Variants in TRIO observed in about 807,000 individuals in gnomAD.
TRIO encodes trio Rho guanine nucleotide exchange factor.
In TRIO, 58 loss-of-function variants were observed where a neutral mutation model predicts 351.9. That is an observed-to-expected ratio of 0.16 (90% confidence interval 0.13 to 0.21). The LOEUF is 0.21. Ranked by LOEUF, TRIO falls within the 10% of genes least tolerant of loss-of-function variation. The probability of loss-of-function intolerance (pLI) is 1.00; values close to 1 mark genes in which losing one functional copy is unlikely to be tolerated. For synonymous variants in TRIO, 1,758 were observed against 1,595.7 expected (o/e 1.10, Z -2.42); for missense variants, 3,201 against 4,027.8 (o/e 0.79, Z 5.56).
intron 56 of TRIO, among the ~76,000 whole-genome samples, 154 bp downstream of exon 56, chr5:14,507,414 T>TCG (rs1036408425): frequency 3.3e-5 from 5 of 151,222 alleles, no homozygotes; most frequent in African/African-American, 1.2e-4. Flanking sequence ...TGCTAATCTC[T>TCG]CTCTCTAAGC....
intron 1 of TRIO, among the ~76,000 whole-genome samples, chr5:14,156,492 C>T (rs1788108513): frequency 6.6e-6 from 1 of 152,174 alleles, no homozygotes; most frequent in Admixed American, 6.5e-5. Context: ...TCTCTTTCTG[C>T]ACCTCTTGGT....
At chr5:14,216,960 C>CA (rs1792264245) in intron 1 of TRIO, among the ~76,000 whole-genome samples, 1 of 152,186 alleles carries the variant, frequency 6.6e-6, no homozygotes, top group African/African-American at 2.4e-5. Context: ...ACTGCTATGC[C>CA]ACCTCTTAGA....
chr5:14,354,402 C>T (rs978141866), intron 11 of TRIO, among the ~76,000 whole-genome samples: 1 of 152,242 alleles, frequency 6.6e-6, no homozygotes. Flanking sequence ...AGTGCAGCTA[C>T]AGCCAGAGGC....
chr5:14,183,172 C>T (rs555958788), intron 1 of TRIO, among the ~76,000 whole-genome samples: 7 of 152,208 alleles, frequency 4.6e-5, no homozygotes, highest in East Asian at 3.9e-4. Context: ...GGTTTGTTCC[C>T]GGTGGCCTGG....
intron 9 of TRIO, among the ~76,000 whole-genome samples, chr5:14,317,953 C>T (rs967129827): frequency 2.6e-5 from 4 of 152,030 alleles, no homozygotes; most frequent in South Asian, 2.1e-4. Context: ...ATGGTGAAAC[C>T]GTGTCTCTAC....
chr5:14,187,128 A>T (rs1252492084), intron 1 of TRIO, among the ~76,000 whole-genome samples: 2 of 152,216 alleles, frequency 1.3e-5, no homozygotes, highest in African/African-American at 4.8e-5. Flanking sequence ...CTAGTATTTT[A>T]GGGAATGTCG....
chr5:14,164,427 G>T (rs1788646557), intron 1 of TRIO, among the ~76,000 whole-genome samples: 2 of 152,160 alleles, frequency 1.3e-5, no homozygotes, highest in Non-Finnish European at 2.9e-5. Flanking sequence ...AGATTACCTG[G>T]GTATTGAATT....
intron 1 of TRIO, among the ~76,000 whole-genome samples, chr5:14,217,831 A>G (rs1046417475): frequency 2.0e-5 from 3 of 152,280 alleles, no homozygotes; most frequent in East Asian, 1.9e-4. Flanking sequence ...AGCCTGACAC[A>G]TGGCTTGCAT....
At chr5:14,364,838 T>G (rs746140959) in intron 15 of TRIO, 22 bp downstream of exon 15, 1 of 1,597,478 alleles carries the variant, frequency 6.3e-7, no homozygotes, top group South Asian at 1.1e-5. Flanking sequence ...ACTGGATGCT[T>G]GGGGAGGCTG....
chr5:14,489,315 T>C (rs985358367), intron 48 of TRIO: 8 of 407,196 alleles, frequency 2.0e-5, no homozygotes, highest in African/African-American at 1.4e-4. Flanking sequence ...AAATGGGTCT[T>C]GATACATTTA....
chr5:14,389,281 T>C lies in TRIO; in HGVS notation c.3949-8T>C. The C allele has an allele frequency of 2.5e-6, 4 of 1,590,858 alleles. No individual in the cohort carries two copies. ...TTTTTGTCTAATCCCTGTTTCCCTC[T>C]CGGCTAGACGTACCTGTGGGAAATG... is the stretch of plus-strand genomic sequence containing the variant. On this transcript the variant is annotated splice_region_variant and splice_polypyrimidine_tract_variant and intron_variant, in intron 24 of 56. Transcript: ENST00000344204.
chr5:14,234,632 G>A (rs1346221312), intron 1 of TRIO, among the ~76,000 whole-genome samples: 1 of 152,140 alleles, frequency 6.6e-6, no homozygotes, highest in South Asian at 2.1e-4. Context: ...AGTGAAAATT[G>A]TTTCTGTTCC....
At chr5:14,152,675 G>A (rs144551886) in intron 1 of TRIO, among the ~76,000 whole-genome samples, 6 of 152,262 alleles carry the variant, frequency 3.9e-5, no homozygotes, top group African/African-American at 1.4e-4. Context: ...CGTATTTCAC[G>A]CTTTTTAAGA....
intron 1 of TRIO, among the ~76,000 whole-genome samples, chr5:14,246,294 AG>A (rs1258454374): frequency 6.6e-6 from 1 of 152,216 alleles, no homozygotes; most frequent in Non-Finnish European, 1.5e-5. Context: ...CTGTTAAACT[AG>A]GGGGAACTCT....
At chr5:14,429,025 G>A (rs1750879667) in intron 34 of TRIO, among the ~76,000 whole-genome samples, 1 of 152,124 alleles carries the variant, frequency 6.6e-6, no homozygotes, top group African/African-American at 2.4e-5. Flanking sequence ...ACACAAACGG[G>A]GTTCCCTTTT....
chr5:14,359,234 T>A, intron 12 of TRIO, 123 bp from the exon 13 acceptor site: 1 of 1,208,560 alleles, frequency 8.3e-7, no homozygotes, highest in African/African-American at 1.5e-5. Flanking sequence ...CGTTCCATTT[T>A]CTGAGACAAG....
At chr5:14,429,148 T>C (rs1750890324) in intron 34 of TRIO, among the ~76,000 whole-genome samples, 2 of 152,200 alleles carry the variant, frequency 1.3e-5, no homozygotes, top group African/African-American at 4.8e-5. Flanking sequence ...ATTAAGTGTC[T>C]TGAAAATGAG....
chr5:14,372,222 G>A (rs1396020770), intron 18 of TRIO, among the ~76,000 whole-genome samples: 2 of 129,526 alleles, frequency 1.5e-5, no homozygotes, highest in South Asian at 6.2e-4. Context: ...GAGGGGGGGC[G>A]ATGGTGGGGG....
intron 34 of TRIO, among the ~76,000 whole-genome samples, chr5:14,440,587 T>A (rs1561493336): frequency 1.3e-5 from 2 of 152,264 alleles, no homozygotes; most frequent in African/African-American, 4.8e-5. Flanking sequence ...AATTTACATT[T>A]TCAGTTCTCT....
Sources: allele counts gnomAD v4.1 joint callset (sites outside exome capture counted in the v4.1 genomes callset), GRCh38; gene constraint gnomAD v4.1.1; transcripts MANE v1.5; gene names NCBI Gene and HGNC (gene_info 2026-07-23, HGNC 2026-07-21).